Variants in CGNL1 observed in about 807,000 individuals in gnomAD.
CGNL1 encodes cingulin-like protein 1.
In CGNL1, 132 loss-of-function variants were observed where a neutral mutation model predicts 141.2. That is an observed-to-expected ratio of 0.93 (90% CI 0.81 to 1.08). CGNL1 has a LOEUF of 1.08. Ranked by LOEUF, CGNL1 falls within the 50% of genes least tolerant of loss-of-function variation. CGNL1 has a pLI of 0.00. For synonymous variants in CGNL1, 690 were observed against 622.1 expected (o/e 1.11, Z -1.63); for missense variants, 1,870 against 1,588.6 (o/e 1.18, Z -3.01).
At chr15:57,464,859 C>T (rs920601267) in intron 8 of CGNL1, among the ~76,000 whole-genome samples, 3 of 151,852 alleles carry the variant, frequency 2.0e-5, no homozygotes, top group African/African-American at 7.3e-5. Flanking sequence ...AAGCAGTTCT[C>T]CTGCCTCAGC....
chr15:57,475,775 T>TG (rs1208442392), intron 8 of CGNL1, among the ~76,000 whole-genome samples: 6 of 152,208 alleles, frequency 3.9e-5, no homozygotes, highest in East Asian at 3.9e-4. Flanking sequence ...CCTAGTGGTC[T>TG]CCCTGCTTGC....
At chr15:57,510,071 T>C (rs1417079534) in intron 8 of CGNL1, among the ~76,000 whole-genome samples, 1 of 152,178 alleles carries the variant, frequency 6.6e-6, no homozygotes, top group East Asian at 1.9e-4. Context: ...TTTTGAGAAG[T>C]CTAGGCTTGA....
intron 8 of CGNL1, among the ~76,000 whole-genome samples, chr15:57,466,177 G>A (rs1824945458): frequency 6.6e-6 from 1 of 152,132 alleles, no homozygotes; most frequent in South Asian, 2.1e-4. Flanking sequence ...AAAGGACTAA[G>A]CCCTTAAGCA....
chr15:57,438,079 A>C lies in CGNL1; in HGVS notation c.80A>C (p.Gln27Pro). 1 of 1,614,106 alleles carries C rather than the reference A, an allele frequency of 6.2e-7. No homozygotes were observed. The highest frequency in any genetic ancestry group is 2.2e-5 in the East Asian group (1 of 44,890). The change falls in exon 2 of 19, where the codon CAA becomes CCA. Residue 27 changes from glutamine to proline, a missense_variant. Coordinates refer to ENST00000281282, the MANE Select transcript of CGNL1 (RefSeq NM_032866.5). Reference protein sequence around the residue: ...VHLRLASDDTQKSRSSQNSKA... With the variant: ...VHLRLASDDTPKSRSSQNSKA... ...CTGAGACTCGCAAGTGATGATACCC[A>C]AAAATCAAGGAGTTCCCAGAACTCC...
chr15:57,423,174 G>T (rs1187350152), intron 1 of CGNL1, among the ~76,000 whole-genome samples: 4 of 152,162 alleles, frequency 2.6e-5, no homozygotes, highest in Non-Finnish European at 5.9e-5. Context: ...TACCTCTTCA[G>T]CTGATCGTGT....
intron 1 of CGNL1, among the ~76,000 whole-genome samples, chr15:57,409,513 A>G (rs1048105657): frequency 5.9e-5 from 9 of 152,242 alleles, no homozygotes; most frequent in African/African-American, 7.2e-5. Context: ...CTGTAATCCA[A>G]TAGAGATATG....
chr15:57,510,687 G>C (rs1346770003), intron 8 of CGNL1, among the ~76,000 whole-genome samples: 1 of 152,206 alleles, frequency 6.6e-6, no homozygotes. Context: ...CTTGAAAGCA[G>C]TTCTTCGCAG....
intron 1 of CGNL1, among the ~76,000 whole-genome samples, chr15:57,396,533 A>G (rs1388702163): frequency 6.6e-6 from 1 of 152,152 alleles, no homozygotes; most frequent in Non-Finnish European, 1.5e-5. Flanking sequence ...TTGGCCTCCC[A>G]AAGTGCTGGG....
At chr15:57,445,828 A>G (rs1333613398) in intron 4 of CGNL1, among the ~76,000 whole-genome samples, 2 of 152,314 alleles carry the variant, frequency 1.3e-5, no homozygotes, top group African/African-American at 2.4e-5. Context: ...ATTTTAGCCA[A>G]ATCCTTTTGA....
intron 1 of CGNL1, among the ~76,000 whole-genome samples, chr15:57,390,715 G>A (rs746826331): frequency 1.6e-4 from 25 of 152,094 alleles, no homozygotes; most frequent in Non-Finnish European, 2.6e-4. Flanking sequence ...CTGTACATTC[G>A]CTGGCATGCG....
At chr15:57,442,813 T>A (rs1468117717) in intron 4 of CGNL1, among the ~76,000 whole-genome samples, 1 of 152,148 alleles carries the variant, frequency 6.6e-6, no homozygotes, top group Non-Finnish European at 1.5e-5. Flanking sequence ...GGGTGAGGGT[T>A]TCACCATGTT....
intron 1 of CGNL1, chr15:57,402,524 A>G (rs2062671350): frequency 6.6e-6 from 1 of 152,328 alleles, no homozygotes; most frequent in Non-Finnish European, 1.5e-5. Context: ...TAATGACTGC[A>G]GAGCCATGAT....
rs1205119209 is a variant in CGNL1, at chr15:57,510,261, T to C, written c.2404-6519T>C. Among the ~76,000 whole-genome samples, 16 of 152,284 alleles carry C rather than the reference T, an allele frequency of 1.1e-4. 1 individual carries two copies. The highest frequency in any genetic ancestry group is 3.3e-4 in the Admixed American group (5 of 15,302). ...CTGTAATCCCATTTAACTAGATATT[T>C]ACAATAATGTACTAGGTGGGCAACT... On this transcript the variant is annotated intron_variant, in intron 8 of 18. Transcript: ENST00000281282.
chr15:57,398,371 A>G (rs1283863720), intron 1 of CGNL1: 1 of 152,046 alleles, frequency 6.6e-6, no homozygotes, highest in Non-Finnish European at 1.5e-5. Context: ...GGATGGCCAT[A>G]TAATGAAATA....
At chr15:57,476,253 G>T (rs1595745197) in intron 8 of CGNL1, among the ~76,000 whole-genome samples, 1 of 152,150 alleles carries the variant, frequency 6.6e-6, no homozygotes. Context: ...GCTTGGGTGA[G>T]TCTTGGGGGC....
At chr15:57,494,569 G>C (rs1444552501) in intron 8 of CGNL1, among the ~76,000 whole-genome samples, 1 of 152,226 alleles carries the variant, frequency 6.6e-6, no homozygotes, top group Non-Finnish European at 1.5e-5. Flanking sequence ...CAGGAGGAGG[G>C]ATGGATTTTG....
chr15:57,449,750 G>A (rs780274865), intron 4 of CGNL1, among the ~76,000 whole-genome samples: 19 of 152,248 alleles, frequency 1.2e-4, no homozygotes, highest in Non-Finnish European at 2.2e-4. Context: ...CTGGCAACCC[G>A]TAATCTTTTT....
At position 57,438,982 on chromosome 15, in the gene CGNL1, G is replaced by A. The variant is rs766053332; in HGVS notation, c.983G>A (p.Arg328His). The A allele has an allele frequency of 9.9e-6, 16 of 1,614,148 alleles. No homozygotes were observed. Among genetic ancestry groups the A allele is most frequent in the East Asian group, 2.2e-5 (1 of 44,882 alleles). Reference sequence around the variant, plus strand: ...GCCATCCATGCCGACAACGTCAATCGTCATGAAAACAGAAGGTATATTCCC... The same window carrying A: ...GCCATCCATGCCGACAACGTCAATCATCATGAAAACAGAAGGTATATTCCC... ...ECAIHADNVN[R>H]HENRRYIPFL... The change falls in exon 2 of 19, where the codon CGT (arginine) becomes CAT (histidine). Residue 328 changes from arginine to histidine, a missense_variant. Physicochemically the swap from Arg to His is conservative, Grantham distance 29 (BLOSUM62 0). Coordinates refer to ENST00000281282, the MANE Select transcript of CGNL1 (RefSeq NM_032866.5).
At chr15:57,467,124 C>T (rs566118753) in intron 8 of CGNL1, among the ~76,000 whole-genome samples, 8 of 152,180 alleles carry the variant, frequency 5.3e-5, no homozygotes, top group Non-Finnish European at 1.0e-4. Flanking sequence ...TACAGGGCAT[C>T]GTGCTAAGTT....
Sources: allele counts gnomAD v4.1 joint callset (sites outside exome capture counted in the v4.1 genomes callset), GRCh38; gene constraint gnomAD v4.1.1; transcripts MANE v1.5; gene names NCBI Gene and HGNC (gene_info 2026-07-23, HGNC 2026-07-21).